ITGB2: variants seen among roughly 807,000 people sequenced by gnomAD.
The protein encoded by ITGB2 is integrin subunit beta 2.
A neutral mutation model predicts 86.8 loss-of-function variants in ITGB2; 56 were observed. The ratio of observed to expected loss-of-function variants is 0.65; its 90% CI spans 0.52 to 0.81. ITGB2 has a LOEUF of 0.81. Ranked by LOEUF, ITGB2 falls within the 30% of genes least tolerant of loss-of-function variation. ITGB2 has a pLI of 0.00. For missense variants in ITGB2, 948 were observed against 1,061.2 expected (o/e 0.89, Z 1.48); for synonymous variants, 457 against 450.4 (o/e 1.01, Z -0.19).
At chr21:44,928,215 C>T (rs1477120330) in intron 1 of ITGB2, 2 of 152,236 alleles carry the variant, frequency 1.3e-5, no homozygotes, top group Non-Finnish European at 2.9e-5. Context: ...CACCCCCTGT[C>T]CAGGGACAGA....
chr21:44,900,742 C>T (rs936896871), intron 6 of ITGB2, among the ~76,000 whole-genome samples: 2 of 152,220 alleles, frequency 1.3e-5, no homozygotes, highest in African/African-American at 4.8e-5. Context: ...GCTGCGGTCC[C>T]TGCACTTCAG....
At chr21:44,900,622 T>C in intron 6 of ITGB2, 147 bp from the exon 7 acceptor site, 1 of 962,982 alleles carries the variant, frequency 1.0e-6, no homozygotes. Flanking sequence ...GACCCAGCTG[T>C]GTTCCCCCAG....
intron 1 of ITGB2, among the ~76,000 whole-genome samples, chr21:44,927,312 A>T (rs1323427269): frequency 6.6e-6 from 1 of 152,150 alleles, no homozygotes; most frequent in Non-Finnish European, 1.5e-5. Context: ...TTTTGGCAGC[A>T]CCAAGGGAAG....
At chr21:44,909,360 A>C (rs2084094413) in intron 3 of ITGB2, 2 of 152,078 alleles carry the variant, frequency 1.3e-5, no homozygotes, top group African/African-American at 4.8e-5. Context: ...TCCAGACAAG[A>C]CCCCCGAGGG....
intron 1 of ITGB2, among the ~76,000 whole-genome samples, chr21:44,913,358 C>T (rs1601326797): frequency 6.6e-6 from 1 of 152,168 alleles, no homozygotes; most frequent in Non-Finnish European, 1.5e-5. Flanking sequence ...AACTGAGGGC[C>T]CCAGCAGCAG....
At chr21:44,908,628 G>A (rs116941926) in intron 3 of ITGB2, among the ~76,000 whole-genome samples, 4,715 of 152,174 alleles carry the variant, frequency 0.031, 121 homozygotes, top group African/African-American at 0.07. Context: ...CGGGGAGCTC[G>A]GCTCTTAAGA....
chr21:44,910,498 C>T (rs1173905293), intron 2 of ITGB2, 126 bp from the exon 3 acceptor site: 22 of 1,550,812 alleles, frequency 1.4e-5, no homozygotes, highest in Admixed American at 1.9e-5. Context: ...GAGGAGACCC[C>T]GCATTCGCCA....
intron 9 of ITGB2, chr21:44,893,959 G>C: frequency 3.1e-6 from 1 of 321,204 alleles, no homozygotes; most frequent in Non-Finnish European, 6.2e-6. Flanking sequence ...AACAGAGAGA[G>C]GCAGAGACAG....
In ITGB2 at chr21:44,900,389, G is replaced by A. The variant is rs147150938; in HGVS notation, c.828C>T (p.Gly276=). 320 of 1,614,024 alleles carry A rather than the reference G, an allele frequency of 2.0e-4. 1 individual carries two copies. The highest frequency in any genetic ancestry group is 3.1e-4 in the South Asian group (28 of 91,092). Residue 276 remains glycine, a synonymous_variant, in exon 7 of 16, where the codon GGC becomes GGT. Transcript: ENST00000652462. ...GFHFAGDGKL[G]AILTPNDGRC... ...GGCCGTCGTTGGGGGTCAGGATGGC[G>A]CCCAGCTTCCCGTCGCCCGCGAAAT... is the stretch of plus-strand genomic sequence containing the variant.
intron 8 of ITGB2, among the ~76,000 whole-genome samples, chr21:44,897,917 C>T (rs768959111): frequency 2.6e-5 from 4 of 152,298 alleles, no homozygotes; most frequent in East Asian, 1.9e-4. Context: ...TTCCTTCTAG[C>T]GAATCCCTGT....
At position 44,890,173 on chromosome 21, in the gene ITGB2, G is replaced by A. The variant is rs766548458; in HGVS notation, c.1462C>T (p.Arg488Trp). ...GKNCECQTQGRSSQELEGSCR... is the reference protein window; with the variant it reads ...GKNCECQTQGWSSQELEGSCR... Reference sequence around the variant, plus strand: ...CTTCCTTCCAGCTCCTGGCTGCTCCGGCCCTGTGTCTGGCACTCACAGTTT... The same window carrying A: ...CTTCCTTCCAGCTCCTGGCTGCTCCAGCCCTGTGTCTGGCACTCACAGTTT... Residue 488 changes from arginine to tryptophan, a missense_variant, in exon 12 of 16, where the codon CGG (arginine) becomes TGG (tryptophan). Arg to Trp is a moderately radical substitution (Grantham distance 101). Transcript: ENST00000652462. The A allele has an allele frequency of 2.6e-5, 42 of 1,613,148 alleles. No individual in the cohort carries two copies. The highest frequency in any genetic ancestry group is 2.2e-5 in the East Asian group (1 of 44,874).
chr21:44,925,906 G>A (rs1053460619), intron 1 of ITGB2, among the ~76,000 whole-genome samples: 17 of 152,064 alleles, frequency 1.1e-4, no homozygotes, highest in Admixed American at 8.5e-4. Context: ...GTGAAACCTC[G>A]TCTCTACTAA....
intron 1 of ITGB2, among the ~76,000 whole-genome samples, chr21:44,912,804 A>G (rs28462282): frequency 0.079 from 8,116 of 102,494 alleles, 477 homozygotes; most frequent in South Asian, 0.13. Flanking sequence ...GGGTCCAGCC[A>G]GCTTCAGGAC....
Position 44,900,637 on chromosome 21 carries a change from CACGCCCAGGAGGAGACA to C in ITGB2, c.742-179_742-163del, listed in dbSNP as rs79643064. 0.12 allele frequency among the ~76,000 whole-genome samples: 18,672 copies of C among 152,048 alleles called. 1,589 individuals are homozygous for C. Among genetic ancestry groups the C allele is most frequent in the Non-Finnish European group, 0.18 (12,303 of 67,920 alleles). ...GACCCAGCTGTGTTCCCCCAGACGC[CACGCCCAGGAGGAGACA>C]ACGGCCCTCAAACACCCCGTGCACA... is the stretch of plus-strand genomic sequence containing the variant. On this transcript the variant is annotated intron_variant, in intron 6 of 15. Coordinates refer to ENST00000652462, the MANE Select transcript of ITGB2 (RefSeq NM_000211.5).
At chr21:44,909,074 C>T (rs1278070544) in intron 3 of ITGB2, among the ~76,000 whole-genome samples, 1 of 152,238 alleles carries the variant, frequency 6.6e-6, no homozygotes, top group East Asian at 1.9e-4. Flanking sequence ...CACCAATCTG[C>T]AGCCATCGCA....
rs2083886036 is a variant in ITGB2 at position 44,897,422 on chromosome 21, CG to C, written c.993+1644del. Among the ~76,000 whole-genome samples the C allele has an allele frequency of 2.0e-5, 3 of 152,188 alleles. No individual in the cohort carries two copies. In the South Asian group the frequency reaches 6.2e-4, roughly 32 times the overall value. ...GGGAAGAGGGGGCCCTGGTTTCCTG[CG>C]TGCCATTTTGAAGAAGATGGCGGTG... is the stretch of plus-strand genomic sequence containing the variant. On this transcript the variant is annotated intron_variant, in intron 8 of 15. Coordinates refer to ENST00000652462, the MANE Select transcript of ITGB2 (RefSeq NM_000211.5).
At position 44,903,765 on chromosome 21, in the gene ITGB2, C is replaced by T. The variant is rs556046030; in HGVS notation, c.329-230G>A. ...GACTCCCGGACGCAGGCATGTGCCT[C>T]GCAGTGACACTGAAACCCGCCTGGG... is the stretch of plus-strand genomic sequence containing the variant. On this transcript the variant is annotated intron_variant, in intron 4 of 15. Transcript: ENST00000652462. Among the ~76,000 whole-genome samples, 8 of 152,258 alleles carry T rather than the reference C, an allele frequency of 5.3e-5. No individual in the cohort carries two copies. The South Asian group carries it at 1.0e-3, about 20-fold the overall frequency.
In ITGB2 at chr21:44,890,207, G is replaced by A; in HGVS notation, c.1428C>T (p.Tyr476=). 6.2e-7 allele frequency: 1 copy of A among 1,613,014 alleles called. No individual in the cohort carries two copies. The highest frequency in any genetic ancestry group is 8.5e-7 in the Non-Finnish European group (1 of 1,179,964). The change falls in exon 12 of 16, where the codon TAC becomes TAT. Residue 476 remains tyrosine (Y), a synonymous_variant. Transcript: ENST00000652462. ...ECGICRCDTG[Y]IGKNCECQTQ... ...TCTGGCACTCACAGTTTTTCCCAAT[G>A]TAGCCAGTGTCACACCTGGGGACAG...
intron 5 of ITGB2, among the ~76,000 whole-genome samples, chr21:44,902,957 T>C (rs946002717): frequency 6.6e-6 from 1 of 152,252 alleles, no homozygotes; most frequent in African/African-American, 2.4e-5. Context: ...GGCAAGGCAG[T>C]GCTGGTGTAG....
Sources: gnomAD v4.1 joint callset for allele counts (sites outside exome capture counted in the v4.1 genomes callset) on GRCh38, gnomAD v4.1.1 for gene constraint, MANE v1.5 for transcripts, NCBI Gene and HGNC (gene_info 2026-07-23, HGNC 2026-07-21) for gene names.